The following EIF2S1 variants were observed in gnomAD, a reference collection of about 807,000 sequenced individuals.
EIF2S1 encodes eukaryotic translation initiation factor 2 subunit alpha.
Under a neutral mutation model 33.5 loss-of-function variants are expected in EIF2S1, and 5 were observed. The observed-to-expected ratio is 0.15, with a 90% CI of 0.08 to 0.31. EIF2S1 has a LOEUF of 0.31. EIF2S1 is among the 10% of genes least tolerant of loss of function. The probability of loss-of-function intolerance (pLI) is 1.00; values close to 1 mark genes in which losing one functional copy is unlikely to be tolerated. For missense variants in EIF2S1, 191 were observed against 384.6 expected (o/e 0.50, Z 4.21); for synonymous variants, 99 against 127.5 (o/e 0.78, Z 1.51).
intron 1 of EIF2S1, 28 bp downstream of exon 1, chr14:67,360,484 A>G: frequency 2.9e-6 from 1 of 347,764 alleles, no homozygotes; most frequent in Non-Finnish European, 5.1e-6. Flanking sequence ...CGGTTTCTCC[A>G]GGAACTCACT....
chr14:67,374,403 A>G, intron 2 of EIF2S1, 65 bp from the exon 3 acceptor site: 2 of 961,728 alleles, frequency 2.1e-6, no homozygotes, highest in Admixed American at 2.6e-5. Flanking sequence ...TTGGTCTTCA[A>G]AGCTGGTTAC....
intron 6 of EIF2S1, 79 bp downstream of exon 6, chr14:67,381,769 T>C: frequency 9.4e-7 from 1 of 1,069,090 alleles, no homozygotes; most frequent in Non-Finnish European, 1.4e-6. Flanking sequence ...TTTCTTTTTT[T>C]TTTTTTAATC....
rs564836182 is a variant in EIF2S1, at chr14:67,374,835, T to C, written c.321+288T>C. On this transcript the variant is annotated intron_variant, in intron 3 of 7. Transcript: ENST00000256383. Reference sequence around the variant, plus strand: ...TCCAGGTTGGTCTCAGACCCTGAGCTTCAAGTGATCCTTGAGCCTCAGCCC... The same window carrying C: ...TCCAGGTTGGTCTCAGACCCTGAGCCTCAAGTGATCCTTGAGCCTCAGCCC... 3.3e-5 allele frequency among the ~76,000 whole-genome samples: 5 copies of C among 152,312 alleles called. No homozygotes were observed. In the South Asian group the frequency reaches 6.2e-4, roughly 19 times the overall value.
chr14:67,379,901 G>A (rs1489555223), intron 4 of EIF2S1, among the ~76,000 whole-genome samples: 2 of 151,648 alleles, frequency 1.3e-5, no homozygotes, highest in South Asian at 4.2e-4. Flanking sequence ...TGATCCGCCC[G>A]CCTCGGCCTC....
At chr14:67,375,145 C>T (rs2085849940) in intron 3 of EIF2S1, among the ~76,000 whole-genome samples, 1 of 152,078 alleles carries the variant, frequency 6.6e-6, no homozygotes, top group South Asian at 2.1e-4. Context: ...AGCAGCAAAG[C>T]AAAGATAGCC....
chr14:67,384,270 A>AT lies in EIF2S1; in HGVS notation c.*836dup, dbSNP rs904829094. The AT allele has an allele frequency of 3.9e-5, 6 of 151,952 alleles. No homozygotes were observed. In the South Asian group the frequency reaches 6.2e-4, roughly 16 times the overall value. The allele number at this position is 151,952 out of a possible 1,614,324, so 9.4% of individuals were successfully genotyped here. A position where few individuals can be genotyped will look rare whatever the true frequency, so the allele number is the denominator to read the frequency against. On this transcript the variant is annotated 3_prime_UTR_variant, in exon 8 of 8. Coordinates refer to ENST00000256383, the MANE Select transcript of EIF2S1 (RefSeq NM_004094.5). ...TTTTATTTAGTTGGAATATCACCCA[A>AT]TTTTTTATTTTTATTGCTATTAAAA...
intron 2 of EIF2S1, among the ~76,000 whole-genome samples, chr14:67,366,081 C>CTTT (rs552951257): frequency 7.1e-6 from 1 of 141,040 alleles, no homozygotes; most frequent in Non-Finnish European, 1.6e-5. Flanking sequence ...TAATCTTGTA[C>CTTT]TTTTTTTTTT....
chr14:67,378,484 A>G (rs981221814), intron 4 of EIF2S1, among the ~76,000 whole-genome samples: 2 of 152,188 alleles, frequency 1.3e-5, no homozygotes, highest in Non-Finnish European at 2.9e-5. Context: ...AATTTGTTCA[A>G]GGTCACACAG....
chr14:67,360,516 G>C (rs1338908213), intron 1 of EIF2S1, 60 bp downstream of exon 1: 9 of 296,188 alleles, frequency 3.0e-5, no homozygotes. Flanking sequence ...CCAGTGACAT[G>C]GGTGTTCGAG....
At chr14:67,373,546 A>G (rs1023692066) in intron 2 of EIF2S1, among the ~76,000 whole-genome samples, 1 of 152,260 alleles carries the variant, frequency 6.6e-6, no homozygotes, top group Non-Finnish European at 1.5e-5. Context: ...GCTGTCCTCC[A>G]GTATTGAGAA....
chr14:67,376,694 T>G (rs1264396245), intron 4 of EIF2S1, 104 bp downstream of exon 4: 4 of 1,295,956 alleles, frequency 3.1e-6, no homozygotes, highest in Non-Finnish European at 4.2e-6. Context: ...AAATTTAGAT[T>G]AAAATATTTT....
chr14:67,378,109 T>C (rs1272786801), intron 4 of EIF2S1, among the ~76,000 whole-genome samples: 1 of 150,412 alleles, frequency 6.6e-6, no homozygotes, highest in Non-Finnish European at 1.5e-5. Flanking sequence ...GATGACAGAG[T>C]GAGACCTTGT....
intron 2 of EIF2S1, among the ~76,000 whole-genome samples, chr14:67,371,349 G>C (rs1179797551): frequency 6.6e-6 from 1 of 151,910 alleles, no homozygotes; most frequent in African/African-American, 2.4e-5. Context: ...GAGCCCAGGA[G>C]TTTGAGGCTG....
At chr14:67,382,864 T>C (rs755944917) in intron 7 of EIF2S1, among the ~76,000 whole-genome samples, 6 of 152,130 alleles carry the variant, frequency 3.9e-5, no homozygotes, top group Non-Finnish European at 8.8e-5. Context: ...TCTCCTGTCT[T>C]TTCCTTGTCC....
chr14:67,381,780 AC>A lies in EIF2S1; in HGVS notation c.678+91del, dbSNP rs2085889064. ...TTTGTTTCTTTTTTTTTTTTTAATC[AC>A]ATTTCATAACAAAAGTGGGTTTTTT... is the stretch of plus-strand genomic sequence containing the variant. On this transcript the variant is annotated intron_variant, in intron 6 of 7. Transcript: ENST00000256383. The A allele has an allele frequency of 4.5e-6, 4 of 885,438 alleles. No homozygotes were observed. The South Asian group carries it at 7.0e-5, about 15-fold the overall frequency. The allele number at this position is 885,438 out of a possible 1,614,324, so 54.8% of individuals were successfully genotyped here. A position where few individuals can be genotyped will look rare whatever the true frequency, so the allele number is the denominator to read the frequency against.
At chr14:67,366,854 T>TGAGCCGAG (rs2085782186) in intron 2 of EIF2S1, among the ~76,000 whole-genome samples, 3 of 152,032 alleles carry the variant, frequency 2.0e-5, no homozygotes, top group African/African-American at 7.3e-5. Context: ...ATGTTTTCTG[T>TGAGCCGAG]TTTACACCTT....
intron 2 of EIF2S1, among the ~76,000 whole-genome samples, chr14:67,367,734 G>GC (rs972779290): frequency 1.3e-5 from 2 of 152,018 alleles, no homozygotes; most frequent in Admixed American, 1.3e-4. Flanking sequence ...TTCTCGGGCG[G>GC]CTGAGGTAGG....
chr14:67,361,348 T>TA (rs1241630857), intron 1 of EIF2S1, among the ~76,000 whole-genome samples: 2 of 152,252 alleles, frequency 1.3e-5, no homozygotes, highest in Non-Finnish European at 2.9e-5. Flanking sequence ...CTTTGCTACC[T>TA]ATTCTTAGTT....
intron 4 of EIF2S1, among the ~76,000 whole-genome samples, chr14:67,377,790 C>A (rs745438282): frequency 6.6e-6 from 1 of 152,076 alleles, no homozygotes; most frequent in African/African-American, 2.4e-5. Context: ...TCTCTTGGAG[C>A]AAACACTGCG....
Sources: allele counts gnomAD v4.1 joint callset (sites outside exome capture counted in the v4.1 genomes callset), GRCh38; gene constraint gnomAD v4.1.1; transcripts MANE v1.5; gene names NCBI Gene and HGNC (gene_info 2026-07-23, HGNC 2026-07-21).